Variants in ATAD2B observed in about 807,000 individuals in gnomAD.
ATAD2B encodes ATPase family AAA domain-containing protein 2B.
A neutral mutation model predicts 167.6 loss-of-function variants in ATAD2B; 40 were observed. That is an observed-to-expected ratio of 0.24 (90% CI 0.19 to 0.31). The LOEUF is 0.31. ATAD2B is among the 10% of genes least tolerant of loss of function. The pLI, the probability that ATAD2B is intolerant of heterozygous loss-of-function variation, is 1.00. For synonymous variants in ATAD2B, 579 were observed against 596.5 expected (o/e 0.97, Z 0.43); for missense variants, 1,242 against 1,757.2 (o/e 0.71, Z 5.24).
intron 22 of ATAD2B, among the ~76,000 whole-genome samples, chr2:23,768,219 C>T (rs1242637669): frequency 6.6e-6 from 1 of 152,090 alleles, no homozygotes; most frequent in Non-Finnish European, 1.5e-5. Context: ...AGTACACATC[C>T]ATAACATTAC....
the ATAD2B span, chr2:23,706,573 C>A: frequency 5.2e-6 from 8 of 1,537,128 alleles, no homozygotes; most frequent in Admixed American, 2.0e-5. Flanking sequence ...TACGAGCCCA[C>A]AACCAACACA....
intron 1 of ATAD2B, among the ~76,000 whole-genome samples, chr2:23,896,324 C>CA (rs200614932): frequency 0.078 from 9,655 of 124,536 alleles, 391 homozygotes; most frequent in African/African-American, 0.15. Flanking sequence ...GACTTTGTCT[C>CA]AAAAAAAAAA....
chr2:23,762,295 T>C lies in ATAD2B; in HGVS notation c.3308A>G (p.Lys1103Arg), dbSNP rs1676847803. The C allele has an allele frequency of 2.5e-6, 4 of 1,613,556 alleles. No individual in the cohort carries two copies. Among genetic ancestry groups the C allele is most frequent in the Non-Finnish European group, 3.4e-6 (4 of 1,179,786 alleles). ...QINPHSTGAR[K>R]TETRVEEAFR... ...TGCCTCTTCGACTCTAGTTTCTGTC[T>C]TCCGAGCTCCAGTACTATGAGGATT... The change falls in exon 24 of 28, where the codon AAG (lysine) becomes AGG (arginine). Residue 1103 changes from lysine to arginine, a missense_variant. By Grantham distance (26) the Lys-to-Arg change is conservative. Transcript: ENST00000238789.
At chr2:23,730,914 A>T in the ATAD2B span, among the ~76,000 whole-genome samples, 1 of 151,940 alleles carries the variant, frequency 6.6e-6, no homozygotes, top group Admixed American at 6.6e-5. Context: ...AAGATAAATA[A>T]AAAGAGACTG....
At chr2:23,765,170 C>G (rs2149329890) in intron 23 of ATAD2B, among the ~76,000 whole-genome samples, 1 of 152,186 alleles carries the variant, frequency 6.6e-6, no homozygotes, top group Middle Eastern at 3.4e-3. Flanking sequence ...TTTAAAGTAC[C>G]AGAAAGTAAA....
Position 23,834,068 on chromosome 2 carries a change from A to C in ATAD2B, c.1579T>G (p.Ser527Ala), listed in dbSNP as rs1454290307. 1 of 1,587,418 alleles carries C rather than the reference A, an allele frequency of 6.3e-7. No homozygotes were observed. The highest frequency in any genetic ancestry group is 8.6e-7 in the Non-Finnish European group (1 of 1,166,374). ...CCATCCATAAGAGCAAGGAGGGTTG[A>C]TACTATAGAGCTGTAAAATAATTTT... is the stretch of plus-strand genomic sequence containing the variant. ...RQDQIHSSIVSTLLALMDGLD... is the reference protein window; with the variant it reads ...RQDQIHSSIVATLLALMDGLD... Residue 527 changes from serine to alanine, a missense_variant, in exon 14 of 28, where the codon TCA becomes GCA. Coordinates refer to ENST00000238789, the MANE Select transcript of ATAD2B (RefSeq NM_017552.4).
chr2:23,765,484 C>T (rs758537543), intron 23 of ATAD2B, 22 bp downstream of exon 23: 2 of 1,593,912 alleles, frequency 1.3e-6, no homozygotes, highest in East Asian at 2.3e-5. Context: ...GCTTCAGTAC[C>T]AAGTTTATTT....
At chr2:23,891,957 G>A (rs1699566693) in intron 2 of ATAD2B, among the ~76,000 whole-genome samples, 1 of 152,018 alleles carries the variant, frequency 6.6e-6, no homozygotes, top group Non-Finnish European at 1.5e-5. Flanking sequence ...TAAACTCAAG[G>A]CATTTAATGA....
chr2:23,693,219 C>T, the ATAD2B span: 1 of 1,508,528 alleles, frequency 6.6e-7, no homozygotes, highest in East Asian at 2.5e-5. Context: ...GAACAGGTGG[C>T]AACTGCTTCC....
intron 1 of ATAD2B, among the ~76,000 whole-genome samples, chr2:23,911,976 CA>C (rs1160482347): frequency 0.051 from 3,220 of 63,146 alleles, 32 homozygotes; most frequent in Non-Finnish European, 0.065. Context: ...GATTCCATCT[CA>C]AAAAAAAAAA....
chr2:23,876,437 G>C (rs1035992888), intron 7 of ATAD2B, among the ~76,000 whole-genome samples: 8 of 151,844 alleles, frequency 5.3e-5, no homozygotes, highest in Non-Finnish European at 1.2e-4. Context: ...GAGTAGCTGG[G>C]ATTACAGGCG....
the ATAD2B span, among the ~76,000 whole-genome samples, chr2:23,695,415 G>A: frequency 4.0e-5 from 6 of 151,718 alleles, no homozygotes; most frequent in African/African-American, 7.3e-5. This position sits in a 1 kb window ranked among gnomAD's most constrained non-coding sequence, Gnocchi z 7.6. Flanking sequence ...CCTCCCCTCC[G>A]CACCCCTGCG....
At chr2:23,807,543 C>A (rs1197622792) in intron 18 of ATAD2B, among the ~76,000 whole-genome samples, 1 of 152,038 alleles carries the variant, frequency 6.6e-6, no homozygotes, top group Non-Finnish European at 1.5e-5. Context: ...TGGTTTGAGA[C>A]CCAAATGCCA....
the ATAD2B span, among the ~76,000 whole-genome samples, chr2:23,709,489 G>C: frequency 6.6e-5 from 10 of 152,242 alleles, no homozygotes; most frequent in Admixed American, 6.5e-4. Context: ...AGAAAAGGTA[G>C]AGCGCCAGAT....
chr2:23,700,691 A>C, the ATAD2B span, among the ~76,000 whole-genome samples: 1,579 of 152,250 alleles, frequency 0.01, 25 homozygotes, highest in African/African-American at 0.037. This position sits in a 1 kb window ranked among gnomAD's most constrained non-coding sequence, Gnocchi z 4.6. Context: ...TTCACAGCTA[A>C]ATTTCTTCCA....
chr2:23,918,828 A>T (rs917026005), intron 1 of ATAD2B, among the ~76,000 whole-genome samples: 2 of 152,206 alleles, frequency 1.3e-5, no homozygotes, highest in Admixed American at 6.5e-5. Flanking sequence ...ACAAAACTAG[A>T]TTTAAATATT....
chr2:23,837,801 T>C (rs577994950), intron 13 of ATAD2B, among the ~76,000 whole-genome samples: 119 of 152,380 alleles, frequency 7.8e-4, no homozygotes, highest in Admixed American at 2.1e-3. Context: ...TACATTATCG[T>C]TACACCTTTG....
intron 13 of ATAD2B, among the ~76,000 whole-genome samples, chr2:23,840,481 C>T (rs986709477): frequency 2.0e-5 from 3 of 151,920 alleles, no homozygotes; most frequent in Admixed American, 6.6e-5. Flanking sequence ...TTGTTGGCTA[C>T]GATTTTTGTC....
At chr2:23,696,571 A>C in the ATAD2B span, 1 of 1,349,740 alleles carries the variant, frequency 7.4e-7, no homozygotes, top group Non-Finnish European at 1.0e-6. This position sits in a 1 kb window ranked among gnomAD's most constrained non-coding sequence, Gnocchi z 5.5. Flanking sequence ...AACTGAAATC[A>C]CGTCACTCAC....
Sources: gnomAD v4.1 joint callset for allele counts (sites outside exome capture counted in the v4.1 genomes callset) on GRCh38, gnomAD v4.1.1 for gene constraint, Gnocchi (gnomAD v3.1) non-coding constraint, MANE v1.5 for transcripts, NCBI Gene and HGNC (gene_info 2026-07-23, HGNC 2026-07-21) for gene names.